VAV3: variants seen among roughly 807,000 people sequenced by gnomAD.
The protein encoded by VAV3 is guanine nucleotide exchange factor VAV3.
A neutral mutation model predicts 131.2 loss-of-function variants in VAV3; 94 were observed. The observed-to-expected ratio is 0.72, with a 90% CI of 0.61 to 0.85. The LOEUF (loss-of-function observed/expected upper bound fraction) is 0.85, where lower values mean the gene tolerates loss of function less well. Ranked by LOEUF, VAV3 falls within the 40% of genes least tolerant of loss-of-function variation. VAV3 has a pLI of 0.00. For synonymous variants in VAV3, 349 were observed against 342.0 expected (o/e 1.02, Z -0.22); for missense variants, 939 against 1,002.7 (o/e 0.94, Z 0.86).
intron 1 of VAV3, among the ~76,000 whole-genome samples, chr1:107,915,326 C>T (rs1356804890): frequency 1.3e-5 from 2 of 152,168 alleles, no homozygotes; most frequent in Non-Finnish European, 2.9e-5. Context: ...TAATTCCTTG[C>T]CCCAGCTTTT....
At chr1:107,643,902 T>C (rs980406113) in intron 19 of VAV3, among the ~76,000 whole-genome samples, 1 of 152,012 alleles carries the variant, frequency 6.6e-6, no homozygotes, top group African/African-American at 2.4e-5. Context: ...GAGGCAGAGG[T>C]TGAAAAACAC....
chr1:107,705,133 T>A, intron 15 of VAV3, 72 bp from the exon 16 acceptor site: 1 of 1,176,424 alleles, frequency 8.5e-7, no homozygotes, highest in Non-Finnish European at 1.2e-6. Context: ...ATCTAAACCC[T>A]AAATTCATCA....
chr1:107,766,624 T>C, intron 7 of VAV3, 74 bp from the exon 8 acceptor site: 1 of 1,145,040 alleles, frequency 8.7e-7, no homozygotes, highest in Non-Finnish European at 1.3e-6. Context: ...CAGAATCCTT[T>C]TAGTTGCTAG....
At chr1:107,928,856 A>C (rs1673283019) in intron 1 of VAV3, among the ~76,000 whole-genome samples, 4 of 152,240 alleles carry the variant, frequency 2.6e-5, no homozygotes, top group Admixed American at 2.6e-4. Context: ...ATAATAAAAC[A>C]GAACTTCCCA....
intron 15 of VAV3, among the ~76,000 whole-genome samples, chr1:107,739,946 T>C (rs529201167): frequency 6.0e-4 from 92 of 152,326 alleles, no homozygotes; most frequent in South Asian, 5.6e-3. Flanking sequence ...ATGGTATTGC[T>C]GCTGGGAAGA....
intron 1 of VAV3, among the ~76,000 whole-genome samples, chr1:107,894,254 T>C (rs1192287129): frequency 6.6e-6 from 1 of 152,238 alleles, no homozygotes; most frequent in East Asian, 1.9e-4. Context: ...AAAGATTTCA[T>C]GTAGTAGATC....
intron 19 of VAV3, among the ~76,000 whole-genome samples, chr1:107,650,381 TCTGAA>T (rs1656063988): frequency 6.6e-6 from 1 of 151,984 alleles, no homozygotes; most frequent in Non-Finnish European, 1.5e-5. Context: ...GAAAAAATAA[TCTGAA>T]CTACTATTCT....
intron 20 of VAV3, among the ~76,000 whole-genome samples, chr1:107,628,227 T>C (rs1654184398): frequency 6.6e-6 from 1 of 152,146 alleles, no homozygotes; most frequent in South Asian, 2.1e-4. Context: ...ATCCCCCTAA[T>C]CAGCCCTTCA....
chr1:107,813,326 C>T (rs968644505), intron 2 of VAV3, among the ~76,000 whole-genome samples: 2 of 152,138 alleles, frequency 1.3e-5, no homozygotes, highest in Admixed American at 1.3e-4. Flanking sequence ...GCCTTCTAGA[C>T]AGGAGACAGC....
At position 107,929,307 on chromosome 1, in the gene VAV3, A is replaced by AAAT. The variant is rs748783143; in HGVS notation, c.204+35358_204+35359insATT. Among the ~76,000 whole-genome samples the AAAT allele has an allele frequency of 1.3e-4, 19 of 144,406 alleles. 1 individual carries two copies. Among genetic ancestry groups the AAAT allele is most frequent in the South Asian group, 2.2e-4 (1 of 4,588 alleles). 94.7% of individuals were successfully genotyped at this position (144,406 alleles called of 152,430 possible). ...TGTCTCAAAAAAAAAAAAAAAAAAA[A>AAAT]TTATGCCCTAGAACAGTATATTCAG... On this transcript the variant is annotated intron_variant, in intron 1 of 26. Transcript: ENST00000370056.
intron 20 of VAV3, among the ~76,000 whole-genome samples, chr1:107,633,174 T>C (rs1292837618): frequency 4.0e-5 from 6 of 151,898 alleles, no homozygotes; most frequent in Non-Finnish European, 8.8e-5. Context: ...ATAGGAAAAA[T>C]TAGTGAATAA....
In VAV3 at chr1:107,954,772, G is replaced by GGGGGGGC. The variant is rs766278495; in HGVS notation, c.204+9893_204+9894insGCCCCCC. On this transcript the variant is annotated intron_variant, in intron 1 of 26. Transcript: ENST00000370056. ...ACAACAGGAAAATACCATGGGAGGGGGGGAAATTCATTGCAGTCCTCATCG... is the reference window on the plus strand; with the variant it reads ...ACAACAGGAAAATACCATGGGAGGGGGGGGGGCGGGAAATTCATTGCAGTCCTCATCG... 3.1e-4 allele frequency among the ~76,000 whole-genome samples: 47 copies of GGGGGGGC among 150,078 alleles called. 1 individual carries two copies. Among genetic ancestry groups the GGGGGGGC allele is most frequent in the African/African-American group, 8.0e-4 (32 of 39,760 alleles).
intron 2 of VAV3, among the ~76,000 whole-genome samples, chr1:107,814,386 T>A (rs2102340077): frequency 6.6e-6 from 1 of 152,310 alleles, no homozygotes; most frequent in South Asian, 2.1e-4. Context: ...TTGATTTGCA[T>A]TTCCCGATGA....
At chr1:107,613,775 G>A (rs1187089264) in intron 21 of VAV3, among the ~76,000 whole-genome samples, 1 of 152,104 alleles carries the variant, frequency 6.6e-6, no homozygotes, top group East Asian at 1.9e-4. Context: ...AAAATCCTTT[G>A]AGGAATGTGT....
intron 15 of VAV3, among the ~76,000 whole-genome samples, chr1:107,706,500 T>C (rs903183035): frequency 2.6e-5 from 4 of 152,184 alleles, no homozygotes; most frequent in South Asian, 2.1e-4. Flanking sequence ...TTTCGGAAAA[T>C]GTTCCACTGC....
intron 22 of VAV3, among the ~76,000 whole-genome samples, chr1:107,609,015 A>C (rs1033559896): frequency 6.6e-6 from 1 of 152,172 alleles, no homozygotes; most frequent in African/African-American, 2.4e-5. Flanking sequence ...GCAGTATAGC[A>C]ATGTACAGAT....
chr1:107,854,210 T>C (rs573164645), intron 2 of VAV3, among the ~76,000 whole-genome samples: 4 of 152,162 alleles, frequency 2.6e-5, no homozygotes, highest in Non-Finnish European at 5.9e-5. Flanking sequence ...CTCTGGAGGA[T>C]GGGACATGAG....
intron 2 of VAV3, among the ~76,000 whole-genome samples, chr1:107,821,601 C>T (rs557840274): frequency 6.6e-6 from 1 of 152,300 alleles, no homozygotes; most frequent in East Asian, 1.9e-4. Context: ...AGCTGGTAGA[C>T]AGCTGACACG....
intron 2 of VAV3, among the ~76,000 whole-genome samples, chr1:107,788,267 A>ATT (rs1666122554): frequency 2.6e-5 from 4 of 152,024 alleles, no homozygotes; most frequent in Admixed American, 2.6e-4. Context: ...TGCCAGCCCC[A>ATT]AAATTCTTAA....
Sources: gnomAD v4.1 joint callset for allele counts (sites outside exome capture counted in the v4.1 genomes callset) on GRCh38, gnomAD v4.1.1 for gene constraint, MANE v1.5 for transcripts, NCBI Gene and HGNC (gene_info 2026-07-23, HGNC 2026-07-21) for gene names.